CPED1: variants seen among roughly 807,000 people sequenced by gnomAD.
The protein encoded by CPED1 is cadherin like and PC-esterase domain containing 1.
A neutral mutation model predicts 128.2 loss-of-function variants in CPED1; 114 were observed. That is an observed-to-expected ratio of 0.89 (90% CI 0.76 to 1.04). The LOEUF is 1.04. Ranked by LOEUF, CPED1 falls within the 50% of genes least tolerant of loss-of-function variation. The pLI, the probability that CPED1 is intolerant of heterozygous loss-of-function variation, is 0.00. For synonymous variants in CPED1, 462 were observed against 426.7 expected (o/e 1.08, Z -1.02); for missense variants, 1,211 against 1,207.1 (o/e 1.00, Z -0.05).
chr7:121,206,382 G>A (rs776156233), intron 16 of CPED1, among the ~76,000 whole-genome samples: 1 of 151,844 alleles, frequency 6.6e-6, no homozygotes, highest in African/African-American at 2.4e-5. Flanking sequence ...AATGGAACAC[G>A]CTACTGATCT....
chr7:121,189,779 T>TATATATATATATA (rs1369508995), intron 16 of CPED1, among the ~76,000 whole-genome samples: 1 of 80,190 alleles, frequency 1.2e-5, no homozygotes, highest in African/African-American at 4.5e-5. Flanking sequence ...TATATATATA[T>TATATATATATATA]ATATATATAT....
chr7:121,140,787 T>C lies in CPED1; in HGVS notation c.1700-40T>C, dbSNP rs3735464. On this transcript the variant is annotated intron_variant, in intron 14 of 22. Coordinates refer to ENST00000310396, the MANE Select transcript of CPED1 (RefSeq NM_024913.5). ...ATATTATTTAAAGATATTTACCCAC[T>C]TCACAGTTGTCTTTGTCATTGTTTT... The C allele has an allele frequency of 4.9e-4, 706 of 1,440,132 alleles. 3 individuals are homozygous for C. The East Asian group carries it at 0.014, about 29-fold the overall frequency. The allele number at this position is 1,440,132 out of a possible 1,614,324, so 89.2% of individuals were successfully genotyped here.
chr7:121,273,249 G>A (rs920212491), intron 22 of CPED1, among the ~76,000 whole-genome samples: 2 of 152,046 alleles, frequency 1.3e-5, no homozygotes, highest in Admixed American at 6.6e-5. Context: ...TGGGCCGAGT[G>A]TGGTAGCTCA....
In CPED1 at chr7:121,226,337, C is replaced by T. The variant is rs562785191; in HGVS notation, c.2056-10377C>T. ...GCTTGGTTGGAAATGCAGAAATCACCCGTTTTCTGCGTTGATCATGCTGGG... is the reference window on the plus strand; with the variant it reads ...GCTTGGTTGGAAATGCAGAAATCACTCGTTTTCTGCGTTGATCATGCTGGG... On this transcript the variant is annotated intron_variant, in intron 16 of 22. Coordinates refer to ENST00000310396, the MANE Select transcript of CPED1 (RefSeq NM_024913.5). 2.0e-5 allele frequency among the ~76,000 whole-genome samples: 3 copies of T among 152,082 alleles called. No homozygotes were observed. In the South Asian group the frequency reaches 6.2e-4, roughly 32 times the overall value.
chr7:121,295,795 A>G lies in CPED1; in HGVS notation c.*143A>G, dbSNP rs975543350. 4 of 618,670 alleles carry G rather than the reference A, an allele frequency of 6.5e-6. No homozygotes were observed. Among genetic ancestry groups the G allele is most frequent in the Non-Finnish European group, 1.1e-5 (4 of 347,944 alleles). The allele number at this position is 618,670 out of a possible 1,614,324, so 38.3% of individuals were successfully genotyped here. ...CACCAGCACATGCATGCACACCAGTACACACACAGTTAAATAATGATAACA... is the reference window on the plus strand; with the variant it reads ...CACCAGCACATGCATGCACACCAGTGCACACACAGTTAAATAATGATAACA... On this transcript the variant is annotated 3_prime_UTR_variant, in exon 23 of 23. Coordinates refer to ENST00000310396, the MANE Select transcript of CPED1 (RefSeq NM_024913.5).
chr7:121,269,289 G>A (rs1363562730), intron 21 of CPED1, among the ~76,000 whole-genome samples: 4 of 151,966 alleles, frequency 2.6e-5, no homozygotes, highest in South Asian at 2.1e-4. Flanking sequence ...TTTAGCTAAC[G>A]GAAGGCTCCA....
chr7:121,269,650 A>C (rs1792195248), intron 21 of CPED1, among the ~76,000 whole-genome samples: 1 of 152,070 alleles, frequency 6.6e-6, no homozygotes, highest in Admixed American at 6.6e-5. Context: ...TGGCCTCACA[A>C]ACATCTGTTA....
chr7:121,067,299 G>A (rs920703125), intron 5 of CPED1, among the ~76,000 whole-genome samples: 6 of 151,308 alleles, frequency 4.0e-5, no homozygotes, highest in Non-Finnish European at 7.4e-5. Context: ...GGTGTGTGAT[G>A]TTCCCCTTCC....
chr7:121,104,176 C>T (rs1359152808), intron 7 of CPED1, among the ~76,000 whole-genome samples: 1 of 152,040 alleles, frequency 6.6e-6, no homozygotes, highest in East Asian at 1.9e-4. Context: ...ATATCATTTA[C>T]TTGATGAGTA....
At chr7:121,149,121 C>G (rs1303521101) in intron 16 of CPED1, among the ~76,000 whole-genome samples, 1 of 152,160 alleles carries the variant, frequency 6.6e-6, no homozygotes, top group Non-Finnish European at 1.5e-5. Flanking sequence ...GATTCTTTGT[C>G]CATGGACTGA....
intron 7 of CPED1, among the ~76,000 whole-genome samples, chr7:121,123,395 G>T (rs575201648): frequency 6.6e-6 from 1 of 152,162 alleles, no homozygotes; most frequent in South Asian, 2.1e-4. Context: ...GTGTAGTCTG[G>T]ATAGATTTAG....
intron 14 of CPED1, among the ~76,000 whole-genome samples, chr7:121,138,416 G>A (rs981754753): frequency 1.1e-4 from 17 of 151,986 alleles, no homozygotes; most frequent in African/African-American, 3.1e-4. Flanking sequence ...TGTTTTTGGC[G>A]GCAACACTGA....
At chr7:121,012,709 A>C (rs762674174) in intron 2 of CPED1, among the ~76,000 whole-genome samples, 1 of 152,230 alleles carries the variant, frequency 6.6e-6, no homozygotes, top group Non-Finnish European at 1.5e-5. Context: ...GGACAGCAGC[A>C]GTTTGTATTA....
Position 121,015,647 on chromosome 7 carries a change from T to C in CPED1, c.250-18T>C. On this transcript the variant is annotated intron_variant, in intron 2 of 22. Transcript: ENST00000310396. ...GTACTACTTTTTTATATTGAATTTTTATGCCTTCTTTTCTTAGGTCAAAGA... is the reference window on the plus strand; with the variant it reads ...GTACTACTTTTTTATATTGAATTTTCATGCCTTCTTTTCTTAGGTCAAAGA... 6.3e-7 allele frequency: 1 copy of C among 1,589,056 alleles called. No individual in the cohort carries two copies.
chr7:121,142,601 TA>T (rs1695629673), intron 16 of CPED1, among the ~76,000 whole-genome samples: 2 of 152,010 alleles, frequency 1.3e-5, no homozygotes, highest in African/African-American at 4.8e-5. Context: ...TTGGGATAGT[TA>T]AATTTCTCAT....
At chr7:120,993,367 C>T (rs1796340693) in intron 2 of CPED1, among the ~76,000 whole-genome samples, 1 of 152,080 alleles carries the variant, frequency 6.6e-6, no homozygotes, top group South Asian at 2.1e-4. Flanking sequence ...TTCTGATTAC[C>T]TCCTGTTGAT....
rs189828768 is a variant in CPED1 at position 121,019,141 on chromosome 7, G to A, written c.433+3293G>A. Among the ~76,000 whole-genome samples, 4 of 152,050 alleles carry A rather than the reference G, an allele frequency of 2.6e-5. No individual in the cohort carries two copies. The East Asian group carries it at 5.8e-4, about 22-fold the overall frequency. ...TGAAAAGGAAGAAGTAGGCAGTTTC[G>A]AGTCCTACATTAGAATATGGGTGTT... On this transcript the variant is annotated intron_variant, in intron 3 of 22. Transcript: ENST00000310396.
chr7:120,997,221 C>T (rs745309147), intron 2 of CPED1, among the ~76,000 whole-genome samples: 6 of 152,216 alleles, frequency 3.9e-5, no homozygotes, highest in Non-Finnish European at 8.8e-5. Context: ...CCTAATAAAA[C>T]TTATGTTTCA....
intron 3 of CPED1, among the ~76,000 whole-genome samples, chr7:121,025,518 T>G (rs1255151977): frequency 6.6e-6 from 1 of 152,190 alleles, no homozygotes; most frequent in Non-Finnish European, 1.5e-5. Flanking sequence ...TTCTTTTTTC[T>G]TACTCTAGCA....
Sources: gnomAD v4.1 joint callset for allele counts (sites outside exome capture counted in the v4.1 genomes callset) on GRCh38, gnomAD v4.1.1 for gene constraint, MANE v1.5 for transcripts, NCBI Gene and HGNC (gene_info 2026-07-23, HGNC 2026-07-21) for gene names.